Variants in CRIM1 observed in about 807,000 individuals in gnomAD.
CRIM1 encodes the protein cysteine rich transmembrane BMP regulator 1.
CRIM1 carries 32 observed loss-of-function variants against 116.4 expected under a neutral mutation model. The ratio of observed to expected loss-of-function variants is 0.27; its 90% CI spans 0.21 to 0.37. The LOEUF is 0.37. CRIM1 is among the 10% of genes least tolerant of loss of function. CRIM1 has a pLI of 1.00. For synonymous variants in CRIM1, 590 were observed against 509.2 expected (o/e 1.16, Z -2.13); for missense variants, 1,331 against 1,354.8 (o/e 0.98, Z 0.28).
At position 36,494,548 on chromosome 2, in the gene CRIM1, C is replaced by T. The variant is rs74366557; in HGVS notation, c.1373-4671C>T. On this transcript the variant is annotated intron_variant, in intron 7 of 16. Transcript: ENST00000280527. ...TGAGCATCTGCACTCCTGACACAATCCCAAGGGTTCTTTAAAAATAGCTCT... is the reference window on the plus strand; with the variant it reads ...TGAGCATCTGCACTCCTGACACAATTCCAAGGGTTCTTTAAAAATAGCTCT... Among the ~76,000 whole-genome samples, 1,195 of 152,206 alleles carry T rather than the reference C, an allele frequency of 7.9e-3. 17 individuals are homozygous for T. The highest frequency in any genetic ancestry group is 0.027 in the African/African-American group (1,130 of 41,498).
At chr2:36,509,458 C>G (rs904357810) in intron 8 of CRIM1, among the ~76,000 whole-genome samples, 2 of 152,086 alleles carry the variant, frequency 1.3e-5, no homozygotes, top group African/African-American at 2.4e-5. Flanking sequence ...ACCCAGGAGA[C>G]AGAAGTTGCA....
At chr2:36,488,695 A>G (rs904475910) in intron 7 of CRIM1, among the ~76,000 whole-genome samples, 1 of 152,210 alleles carries the variant, frequency 6.6e-6, no homozygotes, top group African/African-American at 2.4e-5. Flanking sequence ...CTGAGAGATT[A>G]GCTGGATTTA....
intron 2 of CRIM1, among the ~76,000 whole-genome samples, chr2:36,423,742 T>G (rs942125842): frequency 3.9e-5 from 6 of 152,214 alleles, no homozygotes; most frequent in African/African-American, 1.4e-4. Flanking sequence ...CCAGAATCTT[T>G]TGTAACTATT....
At chr2:36,408,465 A>T (rs1476416063) in intron 2 of CRIM1, among the ~76,000 whole-genome samples, 3 of 152,142 alleles carry the variant, frequency 2.0e-5, no homozygotes, top group African/African-American at 7.2e-5. Context: ...TTTTCCTGAC[A>T]TGAGAAAGGA....
At chr2:36,442,247 CTTTTTTTTTT>C (rs879559097) in intron 3 of CRIM1, among the ~76,000 whole-genome samples, 1 of 143,114 alleles carries the variant, frequency 7.0e-6, no homozygotes, top group Non-Finnish European at 1.5e-5. Flanking sequence ...TTCTTTCTTT[CTTTTTTTTTT>C]TTAACTGCTA....
chr2:36,505,430 T>C lies in CRIM1; in HGVS notation c.1502-4553T>C, dbSNP rs1681324588. 3.1e-5 allele frequency among the ~76,000 whole-genome samples: 3 copies of C among 95,254 alleles called. No homozygotes were observed. The South Asian group carries it at 1.3e-3, about 42-fold the overall frequency. 62.5% of individuals were successfully genotyped at this position (95,254 alleles called of 152,430 possible). A position where few individuals can be genotyped will look rare whatever the true frequency, so the allele number is the denominator to read the frequency against. Reference sequence around the variant, plus strand: ...CTTCTAAATAAAGACCTAAAACATTTCTAATAGTAACAATTAAAGTAAGCA... The same window carrying C: ...CTTCTAAATAAAGACCTAAAACATTCCTAATAGTAACAATTAAAGTAAGCA... On this transcript the variant is annotated intron_variant, in intron 8 of 16. Transcript: ENST00000280527.
At chr2:36,481,864 C>G (rs1679444244) in intron 7 of CRIM1, among the ~76,000 whole-genome samples, 1 of 152,206 alleles carries the variant, frequency 6.6e-6, no homozygotes, top group Non-Finnish European at 1.5e-5. Context: ...TCACCCATCT[C>G]TACTCACCTC....
In CRIM1 at chr2:36,522,175, G is replaced by C. The variant is rs991652057; in HGVS notation, c.2290G>C (p.Ala764Pro). 3 of 1,614,072 alleles carry C rather than the reference G, an allele frequency of 1.9e-6. No individual in the cohort carries two copies. The highest frequency in any genetic ancestry group is 2.7e-5 in the African/African-American group (2 of 74,938). The stretch of plus-strand genomic sequence containing the variant: ...TGATGAAGGGGATATATTCCTGGCA[G>C]CTGAGTCCTGGAAGCCTGACGTTTG... ...KNDEGDIFLA[A>P]ESWKPDVCTS... Residue 764 changes from alanine to proline, a missense_variant, in exon 13 of 17, where the codon GCT (alanine) becomes CCT (proline). Physicochemically the swap from Ala to Pro is conservative, Grantham distance 27 (BLOSUM62 -1). Transcript: ENST00000280527.
chr2:36,473,053 C>T lies in CRIM1; in HGVS notation c.992-3836C>T, dbSNP rs375921036. ...CATTCATGTGACTTTAAGCAAATCACGTCATCTCTTTAAGTTTCATCTTCA... is the reference window on the plus strand; with the variant it reads ...CATTCATGTGACTTTAAGCAAATCATGTCATCTCTTTAAGTTTCATCTTCA... On this transcript the variant is annotated intron_variant, in intron 5 of 16. Transcript: ENST00000280527. Among the ~76,000 whole-genome samples, 194 of 152,266 alleles carry T rather than the reference C, an allele frequency of 1.3e-3. 2 individuals carry two copies. The highest frequency in any genetic ancestry group is 4.5e-3 in the African/African-American group (186 of 41,558).
intron 1 of CRIM1, among the ~76,000 whole-genome samples, chr2:36,360,170 G>T (rs1669125480): frequency 6.6e-6 from 1 of 152,218 alleles, no homozygotes; most frequent in Non-Finnish European, 1.5e-5. Context: ...AGCGCTTTAT[G>T]CTTCTATAAG....
rs374839318 is a variant in CRIM1, at chr2:36,550,066, T to TGTGTGTGTGTGTGC, written c.*1366_*1367insTGTGTGTGTGTGCG. ...ATGTGTGTGTGTGTGTGTGTGTGTGTGCGCGCGCACGCACGCCTTGAGCAG... is the reference window on the plus strand; with the variant it reads ...ATGTGTGTGTGTGTGTGTGTGTGTGTGTGTGTGTGTGTGCGCGCGCGCACGCACGCCTTGAGCAG... On this transcript the variant is annotated 3_prime_UTR_variant, in exon 17 of 17. Coordinates refer to ENST00000280527, the MANE Select transcript of CRIM1 (RefSeq NM_016441.3). 1.3e-4 allele frequency: 20 copies of TGTGTGTGTGTGTGC among 149,770 alleles called. No homozygotes were observed. Among genetic ancestry groups the TGTGTGTGTGTGTGC allele is most frequent in the African/African-American group, 4.2e-4 (17 of 40,008 alleles). The allele number at this position is 149,770 out of a possible 1,614,324, so 9.3% of individuals were successfully genotyped here.
At chr2:36,482,565 G>A (rs1240903113) in intron 7 of CRIM1, among the ~76,000 whole-genome samples, 1 of 152,142 alleles carries the variant, frequency 6.6e-6, no homozygotes, top group African/African-American at 2.4e-5. Context: ...GTAGCAAAAG[G>A]ATTGTATGAA....
intron 8 of CRIM1, chr2:36,499,556 C>T (rs946152686): frequency 1.9e-6 from 1 of 523,072 alleles, no homozygotes; most frequent in Non-Finnish European, 3.3e-6. Context: ...TTCTCTGTTT[C>T]CTTGATGGCC....
At chr2:36,476,837 C>A in intron 5 of CRIM1, 52 bp from the exon 6 acceptor site, 1 of 1,468,208 alleles carries the variant, frequency 6.8e-7, no homozygotes, top group Non-Finnish European at 9.3e-7. Context: ...CATCAAAGGA[C>A]ACAACTAAAA....
intron 2 of CRIM1, among the ~76,000 whole-genome samples, chr2:36,430,393 G>T: frequency 6.6e-6 from 1 of 152,176 alleles, no homozygotes; most frequent in African/African-American, 2.4e-5. Context: ...GTTGAAGTTT[G>T]AAAAATGTTT....
intron 7 of CRIM1, among the ~76,000 whole-genome samples, chr2:36,491,436 T>C (rs1204537204): frequency 1.3e-5 from 2 of 152,208 alleles, no homozygotes; most frequent in Non-Finnish European, 2.9e-5. Flanking sequence ...ACCTCCTATG[T>C]GCAAAAGACT....
At chr2:36,391,698 G>T (rs1671617994) in intron 1 of CRIM1, among the ~76,000 whole-genome samples, 1 of 151,952 alleles carries the variant, frequency 6.6e-6, no homozygotes, top group Non-Finnish European at 1.5e-5. Flanking sequence ...TTAGAAGCCT[G>T]AAGCCCTTTT....
At chr2:36,531,966 C>T (rs1375939919) in intron 13 of CRIM1, 1 of 470,836 alleles carries the variant, frequency 2.1e-6, no homozygotes, top group African/African-American at 2.0e-5. Context: ...AGGTCCCTGA[C>T]GTAGTTGACG....
At chr2:36,482,035 C>G (rs1383313401) in intron 7 of CRIM1, among the ~76,000 whole-genome samples, 1 of 152,204 alleles carries the variant, frequency 6.6e-6, no homozygotes, top group Non-Finnish European at 1.5e-5. Context: ...TGAGATGCAT[C>G]CCTGAGTTCA....
Sources: allele counts gnomAD v4.1 joint callset (sites outside exome capture counted in the v4.1 genomes callset), GRCh38; gene constraint gnomAD v4.1.1; transcripts MANE v1.5; gene names NCBI Gene and HGNC (gene_info 2026-07-23, HGNC 2026-07-21).